Variants in NPAS3 observed in about 807,000 individuals in gnomAD.
NPAS3 encodes neuronal PAS domain protein 3.
A neutral mutation model predicts 73.1 loss-of-function variants in NPAS3; 14 were observed. The observed-to-expected ratio is 0.19, with a 90% CI of 0.13 to 0.30. The LOEUF (loss-of-function observed/expected upper bound fraction) is 0.30. Ranked by LOEUF, NPAS3 falls within the 10% of genes least tolerant of loss-of-function variation. The probability of loss-of-function intolerance (pLI) is 1.00; values close to 1 mark genes in which losing one functional copy is unlikely to be tolerated. For missense variants in NPAS3, 1,096 were observed against 1,250.0 expected, an observed-to-expected ratio of 0.88 and a Z score of 1.86; for synonymous variants, 620 against 541.5, an observed-to-expected ratio of 1.14 and a Z score of -2.01.
At chr14:33,626,449 C>T (rs150704689) in intron 5 of NPAS3, among the ~76,000 whole-genome samples, 12 of 152,274 alleles carry the variant, frequency 7.9e-5, no homozygotes, top group East Asian at 3.9e-4. Context: ...GGGGTGTATA[C>T]GTCCCACTGT....
At chr14:33,324,057 C>T (rs755401700) in intron 3 of NPAS3, among the ~76,000 whole-genome samples, 3 of 152,204 alleles carry the variant, frequency 2.0e-5, no homozygotes, top group South Asian at 2.1e-4. Context: ...GCTTTTACAA[C>T]GTAGCATTAA....
At chr14:33,320,049 G>A (rs1443000218) in intron 3 of NPAS3, among the ~76,000 whole-genome samples, 1 of 152,114 alleles carries the variant, frequency 6.6e-6, no homozygotes, top group Non-Finnish European at 1.5e-5. Context: ...TGGTCAATCG[G>A]GAAGGAGTTT....
At chr14:33,751,182 TC>T (rs1471711813) in intron 7 of NPAS3, among the ~76,000 whole-genome samples, 1 of 152,208 alleles carries the variant, frequency 6.6e-6, no homozygotes, top group African/African-American at 2.4e-5. Flanking sequence ...TAAGAGTGTT[TC>T]ATGTCAACAA....
intron 2 of NPAS3, among the ~76,000 whole-genome samples, chr14:33,113,983 A>T (rs534589534): frequency 6.6e-6 from 1 of 152,270 alleles, no homozygotes; most frequent in South Asian, 2.1e-4. Flanking sequence ...TGATTTGCAT[A>T]TGTTGAACCA....
At chr14:33,801,139 CCCGCTTGGAG>C, downstream of NPAS3, 1 of 1,548,452 alleles carries the variant, frequency 6.5e-7, no homozygotes, top group Non-Finnish European at 8.7e-7. Context: ...CCGGCCAGGC[CCCGCTTGGAG>C]GAGGCATCGT....
At chr14:33,204,225 G>A (rs902839077) in intron 2 of NPAS3, among the ~76,000 whole-genome samples, 1 of 152,130 alleles carries the variant, frequency 6.6e-6, no homozygotes, top group Non-Finnish European at 1.5e-5. Flanking sequence ...ACGTTTCTGT[G>A]TGAAATATCA....
At position 33,256,551 on chromosome 14, in the gene NPAS3, C is replaced by T. The variant is rs189984963; in HGVS notation, c.385+41125C>T. Among the ~76,000 whole-genome samples the T allele has an allele frequency of 2.0e-4, 30 of 152,242 alleles. No individual in the cohort carries two copies. In the East Asian group the frequency reaches 3.7e-3, roughly 19 times the overall value. On this transcript the variant is annotated intron_variant, in intron 3 of 11. Coordinates refer to ENST00000356141, the Ensembl canonical transcript of NPAS3. ...ATTTTGTGATGAATTAGAATATAAT[C>T]CAGGGAGACCCTTTCAAAACAGATT...
At chr14:32,998,104 T>C (rs2038657677) in intron 1 of NPAS3, among the ~76,000 whole-genome samples, 1 of 152,318 alleles carries the variant, frequency 6.6e-6, no homozygotes, top group East Asian at 1.9e-4. Flanking sequence ...CTGTTTACAA[T>C]AGCCACAAGG....
chr14:33,052,620 C>T (rs1400084923), intron 1 of NPAS3, among the ~76,000 whole-genome samples: 1 of 152,132 alleles, frequency 6.6e-6, no homozygotes, highest in Admixed American at 6.5e-5. Flanking sequence ...TGGAACTCAG[C>T]TTAGATAATG....
At chr14:33,481,528 A>G (rs891564085) in intron 4 of NPAS3, among the ~76,000 whole-genome samples, 2 of 152,210 alleles carry the variant, frequency 1.3e-5, no homozygotes, top group Non-Finnish European at 2.9e-5. Flanking sequence ...AACATATAAC[A>G]CAGCCCCAAA....
chr14:33,622,123 A>C (rs896998314), intron 5 of NPAS3, among the ~76,000 whole-genome samples: 4 of 152,172 alleles, frequency 2.6e-5, no homozygotes, highest in African/African-American at 9.7e-5. Flanking sequence ...TTTCTCTCCT[A>C]ATGTTCAAAA....
Position 33,034,520 on chromosome 14 carries a change from T to G in NPAS3, c.51-21385T>G, listed in dbSNP as rs181528739. Among the ~76,000 whole-genome samples, 602 of 151,568 alleles carry G rather than the reference T, an allele frequency of 4.0e-3. 4 individuals carry two copies. Among genetic ancestry groups the G allele is most frequent in the African/African-American group, 0.012 (503 of 41,434 alleles). ...TAATAGAGTTAATATATACCATATATTAATACATATTTATTAATATATAGC... is the reference window on the plus strand; with the variant it reads ...TAATAGAGTTAATATATACCATATAGTAATACATATTTATTAATATATAGC... On this transcript the variant is annotated intron_variant, in intron 1 of 11. Transcript: ENST00000356141.
At chr14:33,457,062 A>G (rs1350890773) in intron 4 of NPAS3, among the ~76,000 whole-genome samples, 1 of 152,220 alleles carries the variant, frequency 6.6e-6, no homozygotes, top group African/African-American at 2.4e-5. Context: ...GCTGTGTCAT[A>G]TCTTCCTGAA....
Position 33,782,823 on chromosome 14 carries a change from T to TAAAAAA in NPAS3, c.1153+4254_1153+4259dup, listed in dbSNP as rs199704146. On this transcript the variant is annotated intron_variant, in intron 9 of 11. Coordinates refer to ENST00000356141, the Ensembl canonical transcript of NPAS3. ...AACATACTTGGGGGTTGTTTTTTTTTAAAAAAAAGAAAAAAACAGTAGCTT... is the reference window on the plus strand; with the variant it reads ...AACATACTTGGGGGTTGTTTTTTTTTAAAAAAAAAAAAAAGAAAAAAACAGTAGCTT... Among the ~76,000 whole-genome samples, 6 of 148,572 alleles carry TAAAAAA rather than the reference T, an allele frequency of 4.0e-5. 1 individual carries two copies. The highest frequency in any genetic ancestry group is 7.5e-5 in the Non-Finnish European group (5 of 66,684).
intron 2 of NPAS3, among the ~76,000 whole-genome samples, chr14:33,196,590 G>A (rs1177071153): frequency 6.6e-6 from 1 of 152,120 alleles, no homozygotes; most frequent in Non-Finnish European, 1.5e-5. Flanking sequence ...CGAAATCTCC[G>A]CTATACAAAT....
At chr14:33,497,084 A>G (rs893812622) in intron 4 of NPAS3, among the ~76,000 whole-genome samples, 3 of 152,154 alleles carry the variant, frequency 2.0e-5, no homozygotes, top group African/African-American at 7.2e-5. Context: ...ATCATGAGTG[A>G]ACTCCCATTC....
chr14:33,432,506 A>T (rs185526631), intron 4 of NPAS3, among the ~76,000 whole-genome samples: 4 of 152,314 alleles, frequency 2.6e-5, no homozygotes, highest in African/African-American at 7.2e-5. Context: ...GTTTGGAATA[A>T]ATCTTTGCTA....
chr14:32,959,345 G>A (rs1019791306), intron 1 of NPAS3, among the ~76,000 whole-genome samples: 4 of 151,958 alleles, frequency 2.6e-5, no homozygotes, highest in African/African-American at 9.7e-5. Flanking sequence ...AGTTGTGAGG[G>A]TGTGTGTGTG....
intron 2 of NPAS3, among the ~76,000 whole-genome samples, chr14:33,096,976 T>C (rs1303785181): frequency 6.6e-6 from 1 of 152,232 alleles, no homozygotes; most frequent in Admixed American, 6.5e-5. Flanking sequence ...GAAATAAAAA[T>C]GTAATGCCTG....
Sources: gnomAD v4.1 joint callset for allele counts (sites outside exome capture counted in the v4.1 genomes callset) on GRCh38, gnomAD v4.1.1 for gene constraint, MANE v1.5 for transcripts, NCBI Gene and HGNC (gene_info 2026-07-23, HGNC 2026-07-21) for gene names.